PRR16: variants seen among roughly 807,000 people sequenced by gnomAD.
The protein encoded by PRR16 is protein Largen.
PRR16 carries 6 observed loss-of-function variants against 18.2 expected under a neutral mutation model. The observed-to-expected ratio is 0.33, with a 90% CI of 0.18 to 0.65. The LOEUF (loss-of-function observed/expected upper bound fraction) is 0.65, where lower values mean the gene tolerates loss of function less well. Ranked by LOEUF, PRR16 falls within the 30% of genes least tolerant of loss-of-function variation. The probability of loss-of-function intolerance (pLI) is 0.74; values close to 1 mark genes in which losing one functional copy is unlikely to be tolerated. For synonymous variants in PRR16, 151 were observed against 147.8 expected, an observed-to-expected ratio of 1.02 and a Z score of -0.16; for missense variants, 412 against 376.6, an observed-to-expected ratio of 1.09 and a Z score of -0.78.
chr5:120,680,095 C>T (rs893818698), intron 1 of PRR16, among the ~76,000 whole-genome samples: 1 of 152,102 alleles, frequency 6.6e-6, no homozygotes, highest in Non-Finnish European at 1.5e-5. Flanking sequence ...TTTATAACCT[C>T]ATGTGTACCT....
intron 1 of PRR16, among the ~76,000 whole-genome samples, chr5:120,573,369 G>A (rs1752967305): frequency 6.6e-6 from 1 of 152,070 alleles, no homozygotes; most frequent in African/African-American, 2.4e-5. Flanking sequence ...AAACTATGAG[G>A]AAAACAAATG....
Position 120,604,169 on chromosome 5 carries a change from G to C in PRR16, c.160-81785G>C, listed in dbSNP as rs546505167. On this transcript the variant is annotated intron_variant, in intron 1 of 1. Coordinates refer to ENST00000407149, the MANE Select transcript of PRR16 (RefSeq NM_001300783.2). ...GTCAGTGGAGTTTGAAGTCTCCCATGGTTATTTTGTGGTTATCTAATTCTC... is the reference window on the plus strand; with the variant it reads ...GTCAGTGGAGTTTGAAGTCTCCCATCGTTATTTTGTGGTTATCTAATTCTC... Among the ~76,000 whole-genome samples, 5 of 151,768 alleles carry C rather than the reference G, an allele frequency of 3.3e-5. No homozygotes were observed. In the South Asian group the frequency reaches 1.0e-3, roughly 32 times the overall value.
chr5:120,673,569 A>T (rs575566735), intron 1 of PRR16, among the ~76,000 whole-genome samples: 2 of 152,292 alleles, frequency 1.3e-5, no homozygotes, highest in Admixed American at 6.5e-5. Flanking sequence ...TCTTATCTAG[A>T]GTGGAATTTT....
At chr5:120,719,293 G>A in the PRR16 span, among the ~76,000 whole-genome samples, 2 of 152,064 alleles carry the variant, frequency 1.3e-5, no homozygotes, top group Non-Finnish European at 2.9e-5. Flanking sequence ...TAATCATAGT[G>A]TTACAGATAG....
chr5:120,707,343 T>C, the PRR16 span, among the ~76,000 whole-genome samples: 1,074 of 152,260 alleles, frequency 7.1e-3, 6 homozygotes, highest in African/African-American at 0.023. Context: ...ACCAATACAC[T>C]TCAGGCTTAC....
At chr5:120,764,426 A>AT in the PRR16 span, among the ~76,000 whole-genome samples, 18 of 150,718 alleles carry the variant, frequency 1.2e-4, no homozygotes, top group South Asian at 3.1e-3. Flanking sequence ...TCATTATTTA[A>AT]TTTTTTTTTA....
intron 1 of PRR16, among the ~76,000 whole-genome samples, chr5:120,497,611 G>A (rs1170506847): frequency 4.6e-5 from 7 of 151,458 alleles, no homozygotes; most frequent in African/African-American, 7.3e-5. Context: ...GACTGGTCTC[G>A]AACTCCTGAC....
At chr5:120,642,630 C>A (rs1396424557) in intron 1 of PRR16, among the ~76,000 whole-genome samples, 3 of 152,086 alleles carry the variant, frequency 2.0e-5, no homozygotes, top group Admixed American at 2.0e-4. Flanking sequence ...ATAAATTTTG[C>A]TATTTCACAT....
chr5:120,649,737 T>C (rs1755711815), intron 1 of PRR16, among the ~76,000 whole-genome samples: 1 of 152,122 alleles, frequency 6.6e-6, no homozygotes, highest in Non-Finnish European at 1.5e-5. Flanking sequence ...GGTGAAAATA[T>C]ATTCTTCAGT....
At chr5:120,639,388 T>C (rs1012446100) in intron 1 of PRR16, among the ~76,000 whole-genome samples, 1 of 152,148 alleles carries the variant, frequency 6.6e-6, no homozygotes, top group Admixed American at 6.6e-5. Flanking sequence ...AATCATATTC[T>C]ATTTTCTTTT....
At chr5:120,708,102 A>G in the PRR16 span, among the ~76,000 whole-genome samples, 1 of 152,226 alleles carries the variant, frequency 6.6e-6, no homozygotes, top group Non-Finnish European at 1.5e-5. Flanking sequence ...ACAAATGATA[A>G]CCATCTAATT....
intron 1 of PRR16, among the ~76,000 whole-genome samples, chr5:120,492,255 AGTGTGTGTGTGTGTGTGTGTGT>A (rs3991307): frequency 2.2e-5 from 3 of 138,062 alleles, no homozygotes; most frequent in South Asian, 2.4e-4. Context: ...CGCTAATTTG[AGTGTGTGTGTGTGTGTGTGTGT>A]GTGTGTGTGT....
chr5:120,605,980 G>A (rs1007891416), intron 1 of PRR16, among the ~76,000 whole-genome samples: 1 of 152,100 alleles, frequency 6.6e-6, no homozygotes, highest in Non-Finnish European at 1.5e-5. Context: ...TGTGTTCAGG[G>A]GGCTGTGGGC....
chr5:120,776,810 A>C, the PRR16 span, among the ~76,000 whole-genome samples: 3 of 145,794 alleles, frequency 2.1e-5, no homozygotes, highest in Non-Finnish European at 4.6e-5. Flanking sequence ...TGTAAAATAC[A>C]TATGTATTAA....
intron 1 of PRR16, among the ~76,000 whole-genome samples, chr5:120,567,752 C>T (rs1183517834): frequency 6.6e-6 from 1 of 152,162 alleles, no homozygotes; most frequent in Non-Finnish European, 1.5e-5. Flanking sequence ...GCCCTTCTGC[C>T]ATAAGTGTAA....
At chr5:120,770,989 T>A in the PRR16 span, among the ~76,000 whole-genome samples, 1 of 149,762 alleles carries the variant, frequency 6.7e-6, no homozygotes, top group African/African-American at 2.5e-5. Context: ...CTTTTCTATT[T>A]ATTTGAATGT....
intron 1 of PRR16, among the ~76,000 whole-genome samples, chr5:120,645,321 C>T (rs888991634): frequency 6.6e-6 from 1 of 151,724 alleles, no homozygotes; most frequent in African/African-American, 2.4e-5. Flanking sequence ...TTTGGTTACA[C>T]ACACAGACAC....
At chr5:120,754,205 A>AAATTATAATATATAATATAT in the PRR16 span, among the ~76,000 whole-genome samples, 2 of 77,954 alleles carry the variant, frequency 2.6e-5, no homozygotes, top group African/African-American at 9.1e-5. Context: ...TATATATTAT[A>AAATTATAATATATAATATAT]AATTATATAT....
chr5:120,507,636 A>C (rs1388843408), intron 1 of PRR16, among the ~76,000 whole-genome samples: 1 of 152,062 alleles, frequency 6.6e-6, no homozygotes, highest in Non-Finnish European at 1.5e-5. Flanking sequence ...TGTTTTTGTC[A>C]TTGTTATGGT....
Sources: allele counts gnomAD v4.1 joint callset (sites outside exome capture counted in the v4.1 genomes callset), GRCh38; gene constraint gnomAD v4.1.1; transcripts MANE v1.5; gene names NCBI Gene and HGNC (gene_info 2026-07-23, HGNC 2026-07-21).